PPP6C: variants seen among roughly 807,000 people sequenced by gnomAD.
The protein encoded by PPP6C is protein phosphatase 6 catalytic subunit.
Under a neutral mutation model 39.8 loss-of-function variants are expected in PPP6C, and 11 were observed. The observed-to-expected ratio is 0.28, with a 90% CI of 0.17 to 0.46. The LOEUF (loss-of-function observed/expected upper bound fraction) is 0.46. Ranked by LOEUF, PPP6C falls within the 20% of genes least tolerant of loss-of-function variation. The pLI is 1.00. For missense variants in PPP6C, 211 were observed against 373.9 expected (o/e 0.56, Z 3.59); for synonymous variants, 129 against 130.3 (o/e 0.99, Z 0.07).
intron 6 of PPP6C, chr9:125,151,636 C>T: frequency 1.6e-6 from 1 of 631,778 alleles, no homozygotes; most frequent in Non-Finnish European, 2.9e-6. Flanking sequence ...CCACCCCACC[C>T]CTTGTTTTCC....
chr9:125,182,958 A>G (rs142717932), intron 1 of PPP6C, among the ~76,000 whole-genome samples: 42 of 152,216 alleles, frequency 2.8e-4, no homozygotes, highest in African/African-American at 7.5e-4. Flanking sequence ...TCTAAGTAAC[A>G]TAAGTATCCA....
At chr9:125,189,420 GCCGCGACATCC>G in intron 1 of PPP6C, 3 of 1,277,920 alleles carry the variant, frequency 2.3e-6, no homozygotes, top group Non-Finnish European at 3.1e-6. Flanking sequence ...TGGGACAGAG[GCCGCGACATCC>G]CTCGGGATCC....
At chr9:125,178,491 G>A (rs530681629) in intron 1 of PPP6C, among the ~76,000 whole-genome samples, 2 of 152,040 alleles carry the variant, frequency 1.3e-5, no homozygotes, top group Non-Finnish European at 2.9e-5. Flanking sequence ...TGGCATATCT[G>A]TATTTACTTT....
chr9:125,172,243 A>T (rs1829187588), intron 1 of PPP6C, among the ~76,000 whole-genome samples: 1 of 151,716 alleles, frequency 6.6e-6, no homozygotes, highest in Non-Finnish European at 1.5e-5. Context: ...TTTGAGACAG[A>T]GTCTTGGTCT....
intron 6 of PPP6C, chr9:125,150,862 T>A: frequency 1.3e-6 from 1 of 796,784 alleles, no homozygotes; most frequent in South Asian, 1.3e-5. Context: ...GTGCCTTTGA[T>A]CATGACTAAT....
intron 1 of PPP6C, among the ~76,000 whole-genome samples, chr9:125,179,464 T>TCTA (rs1829377598): frequency 6.6e-6 from 1 of 152,094 alleles, no homozygotes; most frequent in Non-Finnish European, 1.5e-5. Flanking sequence ...TTTTTATTTA[T>TCTA]TAGACAGAGT....
intron 4 of PPP6C, among the ~76,000 whole-genome samples, chr9:125,155,574 T>A (rs2131302380): frequency 6.6e-6 from 1 of 152,260 alleles, no homozygotes; most frequent in East Asian, 1.9e-4. Context: ...AAAATCAATA[T>A]AAGTCCTATA....
intron 2 of PPP6C, among the ~76,000 whole-genome samples, chr9:125,165,093 G>C (rs1054986933): frequency 2.0e-4 from 31 of 152,096 alleles, no homozygotes; most frequent in African/African-American, 7.2e-4. Context: ...CTGCCCAGTA[G>C]TTCTCAAACT....
intron 1 of PPP6C, among the ~76,000 whole-genome samples, chr9:125,182,207 C>G (rs1302878329): frequency 3.3e-5 from 5 of 152,134 alleles, no homozygotes; most frequent in Non-Finnish European, 5.9e-5. Flanking sequence ...GTTCTGTCTC[C>G]CAGTTCCCTC....
rs1158210231 is a variant in PPP6C at position 125,154,127 on chromosome 9, AG to A, written c.380-143del. 45 of 652,546 alleles carry A rather than the reference AG, an allele frequency of 6.9e-5. No homozygotes were observed. In the Admixed American group the frequency reaches 9.1e-4, roughly 13 times the overall value. 40.4% of individuals were successfully genotyped at this position (652,546 alleles called of 1,614,324 possible). A position where few individuals can be genotyped will look rare whatever the true frequency, so the allele number is the denominator to read the frequency against. On this transcript the variant is annotated intron_variant, in intron 4 of 6. Transcript: ENST00000373547. ...GATATGACACATATTTAGTCCTGCT[AG>A]GACCTCCACATAGAGCCAAAAGAAC...
At chr9:125,164,808 G>T (rs899218758) in intron 2 of PPP6C, among the ~76,000 whole-genome samples, 1 of 151,424 alleles carries the variant, frequency 6.6e-6, no homozygotes, top group African/African-American at 2.4e-5. Context: ...GCATGATCTC[G>T]GCTCACTGCA....
At chr9:125,184,222 C>T (rs974912170) in intron 1 of PPP6C, among the ~76,000 whole-genome samples, 1 of 151,946 alleles carries the variant, frequency 6.6e-6, no homozygotes, top group African/African-American at 2.4e-5. Flanking sequence ...CCCATCTTTA[C>T]CAAAAATACC....
intron 1 of PPP6C, among the ~76,000 whole-genome samples, chr9:125,171,478 C>CACACACATATAT (rs1171157245): frequency 2.4e-5 from 2 of 83,524 alleles, no homozygotes; most frequent in African/African-American, 5.5e-5. Context: ...CACACACACA[C>CACACACATATAT]ATATATATAT....
At chr9:125,156,071 A>C (rs1836064963) in intron 4 of PPP6C, among the ~76,000 whole-genome samples, 1 of 152,140 alleles carries the variant, frequency 6.6e-6, no homozygotes, top group South Asian at 2.1e-4. Context: ...GTTATCCAAA[A>C]TATTGATTAT....
chr9:125,179,427 G>A (rs1190997438), intron 1 of PPP6C, among the ~76,000 whole-genome samples: 1 of 152,042 alleles, frequency 6.6e-6, no homozygotes, highest in East Asian at 1.9e-4. Flanking sequence ...GGTTTGGAGG[G>A]TGGGGAACTA....
At chr9:125,169,908 G>C (rs1433017415) in intron 2 of PPP6C, among the ~76,000 whole-genome samples, 1 of 152,108 alleles carries the variant, frequency 6.6e-6, no homozygotes, top group Non-Finnish European at 1.5e-5. Context: ...AAATCAGCCT[G>C]TAAGTAAGTA....
intron 1 of PPP6C, among the ~76,000 whole-genome samples, chr9:125,185,102 C>A (rs1025008661): frequency 2.6e-5 from 4 of 151,924 alleles, no homozygotes; most frequent in African/African-American, 9.7e-5. Flanking sequence ...TTCAGTAAAC[C>A]TGCCTTTATC....
intron 2 of PPP6C, among the ~76,000 whole-genome samples, chr9:125,167,564 G>A (rs140030832): frequency 2.0e-4 from 30 of 151,668 alleles, no homozygotes; most frequent in East Asian, 5.9e-4. Context: ...TTAGTCAGGC[G>A]TGGTGGCACA....
chr9:125,158,600 A>G lies in PPP6C; in HGVS notation c.238-218T>C, dbSNP rs1836137968. 3.9e-5 allele frequency among the ~76,000 whole-genome samples: 6 copies of G among 152,160 alleles called. No individual in the cohort carries two copies. In the South Asian group the frequency reaches 8.3e-4, roughly 21 times the overall value. ...AAGATTTTTGATTCCAGGGAAATCT[A>G]CAAGAATCTGCTGTGCCATTCTCTC... On this transcript the variant is annotated intron_variant, in intron 3 of 6. Transcript: ENST00000373547.
Sources: allele counts gnomAD v4.1 joint callset (sites outside exome capture counted in the v4.1 genomes callset), GRCh38; gene constraint gnomAD v4.1.1; transcripts MANE v1.5; gene names NCBI Gene and HGNC (gene_info 2026-07-23, HGNC 2026-07-21).